MAD2L1: variants seen among roughly 807,000 people sequenced by gnomAD.
MAD2L1 encodes the protein mitotic arrest deficient 2 like 1.
MAD2L1 carries 10 observed loss-of-function variants against 25.9 expected under a neutral mutation model. The observed-to-expected ratio is 0.39, with a 90% CI of 0.24 to 0.66. The LOEUF is 0.66. Among genes scored for constraint, MAD2L1 ranks in the 30% least tolerant of loss-of-function variants. The pLI, the probability that MAD2L1 is intolerant of heterozygous loss-of-function variation, is 0.49. For synonymous variants in MAD2L1, 81 were observed against 91.8 expected (o/e 0.88, Z 0.67); for missense variants, 180 against 246.4 (o/e 0.73, Z 1.80).
intron 1 of MAD2L1, 23 bp downstream of exon 1, chr4:120,066,639 T>C (rs374001628): frequency 1.9e-5 from 31 of 1,592,704 alleles, no homozygotes; most frequent in Non-Finnish European, 2.5e-5. Flanking sequence ...CCCCCCGATA[T>C]ATTGGCCTGC....
At chr4:120,064,193 A>C (rs1726274989) in intron 2 of MAD2L1, among the ~76,000 whole-genome samples, 1 of 152,184 alleles carries the variant, frequency 6.6e-6, no homozygotes. Flanking sequence ...ACACATCCAT[A>C]GTTGTCTAGA....
rs763815670 is a variant in MAD2L1 at position 120,065,831 on chromosome 4, G to A, written c.74-13C>T. 4.3e-6 allele frequency: 7 copies of A among 1,610,548 alleles called. No individual in the cohort carries two copies. The highest frequency in any genetic ancestry group is 3.4e-6 in the Non-Finnish European group (4 of 1,178,676). ...TTGATGCCGAATGCTGCAAGCAAAA[G>A]AAATGTTACAGAAAATTCATTATCC... On this transcript the variant is annotated splice_polypyrimidine_tract_variant and intron_variant, in intron 1 of 4. Transcript: ENST00000296509.
intron 4 of MAD2L1, 93 bp from the exon 5 acceptor site, chr4:120,060,383 G>A (rs1404781654): frequency 1.0e-6 from 1 of 994,454 alleles, no homozygotes; most frequent in Non-Finnish European, 1.4e-6. Context: ...CTCACTGCTG[G>A]AAAAGGTCAT....
chr4:120,066,623 T>C, intron 1 of MAD2L1, 39 bp downstream of exon 1: 1 of 1,573,660 alleles, frequency 6.4e-7, no homozygotes. Flanking sequence ...CCGTCACGAC[T>C]CCGTTCCCCC....
intron 1 of MAD2L1, among the ~76,000 whole-genome samples, chr4:120,066,322 G>A (rs945196150): frequency 2.6e-5 from 4 of 151,972 alleles, no homozygotes; most frequent in Non-Finnish European, 5.9e-5. Flanking sequence ...TGAGTGGGAG[G>A]GTGAGGGTGC....
chr4:120,064,796 C>G (rs988794856), intron 2 of MAD2L1, among the ~76,000 whole-genome samples: 5 of 151,448 alleles, frequency 3.3e-5, no homozygotes, highest in African/African-American at 1.2e-4. Context: ...ATTGGAAGGG[C>G]ATATTAAAAA....
chr4:120,061,084 AG>A (rs1211247893), intron 3 of MAD2L1, 107 bp from the exon 4 acceptor site: 6 of 646,272 alleles, frequency 9.3e-6, no homozygotes, highest in Non-Finnish European at 1.6e-5. Context: ...ACATCAAATA[AG>A]CAGGGCTTAT....
At chr4:120,063,977 G>GT (rs772927279) in intron 2 of MAD2L1, among the ~76,000 whole-genome samples, 1 of 152,172 alleles carries the variant, frequency 6.6e-6, no homozygotes, top group Non-Finnish European at 1.5e-5. Flanking sequence ...TGGTGCCAGA[G>GT]TGAGACTCCA....
Position 120,061,960 on chromosome 4 carries a change from G to A in MAD2L1, c.341+15C>T, listed in dbSNP as rs774703587. The A allele has an allele frequency of 1.1e-5, 17 of 1,583,984 alleles. No homozygotes were observed. The South Asian group carries it at 1.4e-4, about 13-fold the overall frequency. On this transcript the variant is annotated intron_variant, in intron 3 of 4. Transcript: ENST00000296509. ...AAAAATATATCAAAGTAGAAATAAT[G>A]TAATTCCTATTTACCTGTCATCTTT... is the stretch of plus-strand genomic sequence containing the variant.
chr4:120,066,511 C>A, intron 1 of MAD2L1, 151 bp downstream of exon 1: 1 of 643,658 alleles, frequency 1.6e-6, no homozygotes, highest in South Asian at 2.3e-5. Flanking sequence ...AGCACGCAGG[C>A]CTGCAGCTCC....
intron 2 of MAD2L1, among the ~76,000 whole-genome samples, chr4:120,063,007 C>T (rs924501998): frequency 6.6e-6 from 1 of 152,112 alleles, no homozygotes; most frequent in Non-Finnish European, 1.5e-5. Flanking sequence ...GGGACAGCTT[C>T]CAAGTTTCTT....
intron 1 of MAD2L1, 70 bp downstream of exon 1, chr4:120,066,592 C>T (rs1726325311): frequency 2.1e-6 from 3 of 1,395,898 alleles, no homozygotes; most frequent in Non-Finnish European, 3.0e-6. Context: ...GTATCAGAGG[C>T]CGAGCTGTGG....
chr4:120,062,728 A>G (rs1254496301), intron 2 of MAD2L1, among the ~76,000 whole-genome samples: 1 of 152,262 alleles, frequency 6.6e-6, no homozygotes, highest in Non-Finnish European at 1.5e-5. Context: ...CTTCAAGACC[A>G]GGGAAGTCAT....
At position 120,060,129 on chromosome 4, in the gene MAD2L1, C is replaced by G; in HGVS notation, c.607G>C (p.Val203Leu). The part of the protein sequence containing the change: ...VNSMVAYKIP[V>L]ND ...TCCTCATGTCATCCTCAGTCATTGA[C>G]AGGAATTTTGTAGGCCACCATGCTA... The change falls in exon 5 of 5, where the codon GTC (valine) becomes CTC (leucine). Residue 203 changes from valine to leucine, a missense_variant. Transcript: ENST00000296509. 6 of 1,599,716 alleles carry G rather than the reference C, an allele frequency of 3.8e-6. No homozygotes were observed. Among genetic ancestry groups the G allele is most frequent in the Non-Finnish European group, 5.1e-6 (6 of 1,171,598 alleles).
rs773634332 is a variant in MAD2L1 at position 120,059,127 on chromosome 4, A to C, written c.*991T>G. 2 of 152,230 alleles carry C rather than the reference A, an allele frequency of 1.3e-5. No homozygotes were observed. Among genetic ancestry groups the C allele is most frequent in the African/African-American group, 4.8e-5 (2 of 41,464 alleles). 9.4% of individuals were successfully genotyped at this position (152,230 alleles called of 1,614,324 possible). A position where few individuals can be genotyped will look rare whatever the true frequency, so the allele number is the denominator to read the frequency against. On this transcript the variant is annotated 3_prime_UTR_variant, in exon 5 of 5. Coordinates refer to ENST00000296509, the MANE Select transcript of MAD2L1 (RefSeq NM_002358.4). ...GTATATAAGGAAAAGTAGGCTGACAATAAGGCTAAGAGTATAGTAAAGTAC... is the reference window on the plus strand; with the variant it reads ...GTATATAAGGAAAAGTAGGCTGACACTAAGGCTAAGAGTATAGTAAAGTAC...
chr4:120,064,864 A>G lies in MAD2L1; in HGVS notation c.220+808T>C, dbSNP rs568051964. 3.5e-4 allele frequency among the ~76,000 whole-genome samples: 53 copies of G among 152,312 alleles called. No homozygotes were observed. The South Asian group carries it at 0.011, about 31-fold the overall frequency. On this transcript the variant is annotated intron_variant, in intron 2 of 4. Transcript: ENST00000296509. ...AAAGACACATTTCTGGTCAACAACA[A>G]AAGAAATAATTTCTAAATTAAAAAA...
chr4:120,061,537 G>T (rs1047438990), intron 3 of MAD2L1, among the ~76,000 whole-genome samples: 6 of 152,058 alleles, frequency 3.9e-5, no homozygotes, highest in Non-Finnish European at 7.4e-5. Context: ...TCTCTTCCAG[G>T]GAGTCTGGAA....
chr4:120,064,958 GA>G (rs1726289815), intron 2 of MAD2L1, among the ~76,000 whole-genome samples: 1 of 152,114 alleles, frequency 6.6e-6, no homozygotes, highest in Admixed American at 6.5e-5. Context: ...TGAACAATTA[GA>G]AATGAGAATC....
chr4:120,060,439 C>G, intron 4 of MAD2L1, 149 bp from the exon 5 acceptor site: 1 of 564,526 alleles, frequency 1.8e-6, no homozygotes, highest in South Asian at 3.4e-5. Flanking sequence ...GCTCAATGAA[C>G]ATTTATTTCA....
Sources: allele counts gnomAD v4.1 joint callset (sites outside exome capture counted in the v4.1 genomes callset), GRCh38; gene constraint gnomAD v4.1.1; transcripts MANE v1.5; gene names NCBI Gene and HGNC (gene_info 2026-07-23, HGNC 2026-07-21).